Variants in RMST observed in about 807,000 individuals in gnomAD.
The protein encoded by RMST is long intergenic non-protein coding RNA 54.
At chr12:97,551,695 T>C (rs1026705517) in intron 11 of RMST, 2 of 152,242 alleles carry the variant, frequency 1.3e-5, no homozygotes, top group Non-Finnish European at 2.9e-5. Flanking sequence ...ATATGTTTTA[T>C]GCTTATTATT....
At chr12:97,496,967 T>TA (rs1174366705) in intron 10 of RMST, among the ~76,000 whole-genome samples, 1 of 152,208 alleles carries the variant, frequency 6.6e-6, no homozygotes, top group East Asian at 1.9e-4. Flanking sequence ...GATAATATCA[T>TA]AACTCATTTT....
chr12:97,484,763 AT>A (rs1490371214), intron 5 of RMST, among the ~76,000 whole-genome samples: 1 of 152,210 alleles, frequency 6.6e-6, no homozygotes, highest in Admixed American at 6.5e-5. Flanking sequence ...ATTAATAACA[AT>A]AATTATAATA....
intron 5 of RMST, chr12:97,491,737 T>G: frequency 3.4e-6 from 1 of 290,702 alleles, no homozygotes; most frequent in South Asian, 3.0e-5. Flanking sequence ...CTTCTCATTC[T>G]TATAGATTCT....
intron 10 of RMST, among the ~76,000 whole-genome samples, chr12:97,526,029 A>G (rs1881074342): frequency 6.6e-6 from 1 of 151,878 alleles, no homozygotes; most frequent in East Asian, 1.9e-4. Context: ...TCACCCTCAG[A>G]TGGGTCCATC....
chr12:97,462,954 T>C (rs1314474066), intron 3 of RMST: 1 of 151,890 alleles, frequency 6.6e-6, no homozygotes, highest in Admixed American at 6.6e-5. Context: ...GGACACGGCT[T>C]TGATCATATT....
chr12:97,511,704 A>T (rs1565927698), intron 10 of RMST, among the ~76,000 whole-genome samples: 1 of 152,332 alleles, frequency 6.6e-6, no homozygotes, highest in Non-Finnish European at 1.5e-5. Context: ...AGTAAATGAA[A>T]TAACTAATTA....
intron 10 of RMST, among the ~76,000 whole-genome samples, chr12:97,504,052 G>A (rs974295759): frequency 2.6e-5 from 4 of 152,014 alleles, no homozygotes; most frequent in Non-Finnish European, 4.4e-5. Context: ...GTGCCACCAC[G>A]CCCTGCTAAT....
intron 5 of RMST, among the ~76,000 whole-genome samples, chr12:97,479,099 GTGTATC>G (rs1201971717): frequency 6.9e-6 from 1 of 144,462 alleles, no homozygotes; most frequent in Non-Finnish European, 1.5e-5. Context: ...TGAAAATTTG[GTGTATC>G]TGTACTTTGG....
chr12:97,477,990 A>G (rs1412049092), intron 5 of RMST, among the ~76,000 whole-genome samples: 1 of 152,188 alleles, frequency 6.6e-6, no homozygotes, highest in Non-Finnish European at 1.5e-5. Context: ...CTGTGGTTAT[A>G]TCCTTCTAAG....
intron 10 of RMST, among the ~76,000 whole-genome samples, chr12:97,519,497 C>A (rs1450916920): frequency 6.6e-6 from 1 of 152,178 alleles, no homozygotes; most frequent in Non-Finnish European, 1.5e-5. Context: ...AAGTGCGTGA[C>A]AAATTTTATC....
intron 10 of RMST, among the ~76,000 whole-genome samples, chr12:97,503,694 T>A (rs1350871669): frequency 6.6e-6 from 1 of 152,172 alleles, no homozygotes; most frequent in Non-Finnish European, 1.5e-5. Context: ...ATGCCAATGC[T>A]ACAGTAAATG....
chr12:97,510,054 T>C (rs867349173), intron 10 of RMST, among the ~76,000 whole-genome samples: 2 of 152,324 alleles, frequency 1.3e-5, no homozygotes, highest in African/African-American at 2.4e-5. Context: ...AAGTTAATTA[T>C]TAGCTAATAG....
At chr12:97,501,695 G>A (rs926155969) in intron 10 of RMST, among the ~76,000 whole-genome samples, 1 of 152,168 alleles carries the variant, frequency 6.6e-6, no homozygotes, top group Admixed American at 6.5e-5. Context: ...TTCAGCATTT[G>A]TCAAAGCAGA....
intron 5 of RMST, among the ~76,000 whole-genome samples, chr12:97,479,496 C>G (rs1874970733): frequency 6.6e-6 from 1 of 152,116 alleles, no homozygotes; most frequent in African/African-American, 2.4e-5. Context: ...TCTGCTCCTA[C>G]CTTACTACTG....
chr12:97,479,867 C>A (rs1005458689), intron 5 of RMST, among the ~76,000 whole-genome samples: 1 of 152,146 alleles, frequency 6.6e-6, no homozygotes, highest in African/African-American at 2.4e-5. Flanking sequence ...GTCCAACAGG[C>A]ACCCTCCAAC....
At chr12:97,470,672 T>C (rs568299682) in intron 5 of RMST, among the ~76,000 whole-genome samples, 1 of 152,168 alleles carries the variant, frequency 6.6e-6, no homozygotes, top group Non-Finnish European at 1.5e-5. Context: ...TTTCTGGAGT[T>C]TCTAAGGGAA....
intron 5 of RMST, among the ~76,000 whole-genome samples, chr12:97,481,982 C>T (rs4418855): frequency 0.82 from 125,010 of 152,088 alleles, 51,706 homozygotes; most frequent in Middle Eastern, 0.92. Context: ...GTTTGTAAAG[C>T]CATTCTATTT....
intron 11 of RMST, among the ~76,000 whole-genome samples, chr12:97,558,877 G>A (rs1316074381): frequency 6.6e-6 from 1 of 152,164 alleles, no homozygotes; most frequent in Non-Finnish European, 1.5e-5. Context: ...AGGCGTAACA[G>A]AAGGAAAGAA....
At chr12:97,521,915 T>G (rs1880555154) in intron 10 of RMST, among the ~76,000 whole-genome samples, 2 of 152,186 alleles carry the variant, frequency 1.3e-5, no homozygotes, top group African/African-American at 4.8e-5. Flanking sequence ...CAGTGAGCAT[T>G]TTACTTAGAT....
Sources: allele counts gnomAD v4.1 joint callset (sites outside exome capture counted in the v4.1 genomes callset), GRCh38; gene constraint gnomAD v4.1.1; transcripts MANE v1.5; gene names NCBI Gene and HGNC (gene_info 2026-07-23, HGNC 2026-07-21).